SPG11: variants seen among roughly 807,000 people sequenced by gnomAD.
SPG11 encodes spatacsin.
In SPG11, 222 loss-of-function variants were observed where a neutral mutation model predicts 274.0. The ratio of observed to expected loss-of-function variants is 0.81; its 90% CI spans 0.73 to 0.91. SPG11 has a LOEUF of 0.91. SPG11 is among the 40% of genes least tolerant of loss of function. SPG11 has a pLI of 0.00. For missense variants in SPG11, 3,114 were observed against 2,872.7 expected, an observed-to-expected ratio of 1.08 and a Z score of -1.92; for synonymous variants, 1,144 against 1,039.7, an observed-to-expected ratio of 1.10 and a Z score of -1.93.
At chr15:44,615,683 G>A (rs2083576631) in intron 15 of SPG11, 117 bp from the exon 16 acceptor site, 1 of 911,444 alleles carries the variant, frequency 1.1e-6, no homozygotes, top group Non-Finnish European at 1.7e-6. Flanking sequence ...AATTAATGCT[G>A]CCAGTTCTTA....
chr15:44,628,446 C>A (rs996048155), intron 10 of SPG11, among the ~76,000 whole-genome samples: 7 of 152,174 alleles, frequency 4.6e-5, no homozygotes, highest in Non-Finnish European at 7.3e-5. Context: ...GTGGGCAGAT[C>A]TAGCATTAAG....
intron 15 of SPG11, 74 bp downstream of exon 15, chr15:44,620,116 A>G (rs760337302): frequency 1.0e-5 from 12 of 1,171,192 alleles, no homozygotes; most frequent in Admixed American, 5.1e-5. Context: ...TTCAAAGGAA[A>G]AGCTATACCA....
At chr15:44,593,039 CGTTAAA>C (rs982051341) in intron 26 of SPG11, among the ~76,000 whole-genome samples, 1 of 151,436 alleles carries the variant, frequency 6.6e-6, no homozygotes, top group African/African-American at 2.4e-5. Context: ...AAATCATGTA[CGTTAAA>C]GTTAAATATA....
chr15:44,589,463 C>T, intron 27 of SPG11, 49 bp from the exon 28 acceptor site: 3 of 1,609,374 alleles, frequency 1.9e-6, no homozygotes, highest in East Asian at 2.2e-5. Flanking sequence ...ATGAGAATAG[C>T]AAATCAAAAC....
Position 44,622,240 on chromosome 15 carries a change from C to T in SPG11, c.2424G>A (p.Met808Ile). 1 of 1,612,514 alleles carries T rather than the reference C, an allele frequency of 6.2e-7. No individual in the cohort carries two copies. The highest frequency in any genetic ancestry group is 8.5e-7 in the Non-Finnish European group (1 of 1,178,764). The change falls in exon 13 of 40, where the codon ATG (methionine) becomes ATA (isoleucine). Residue 808 changes from methionine to isoleucine, a missense_variant. Transcript: ENST00000261866. ...KLYLGHFQEN[M>I]QIQSFPRYWI... The stretch of plus-strand genomic sequence containing the variant: ...ACTACCTGGGAAATGACTGGATTTG[C>T]ATATTTTCTTGGAAATGTCCCAAAT...
Position 44,598,637 on chromosome 15 carries a change from ACT to A in SPG11, c.3884_3885del (p.Glu1295ValfsTer8). The A allele has an allele frequency of 6.2e-7, 1 of 1,614,048 alleles. No individual in the cohort carries two copies. Among genetic ancestry groups the A allele is most frequent in the Non-Finnish European group, 8.5e-7 (1 of 1,179,956 alleles). ...NEDAQYSFIR[E>X]SVAEKLSKLA... is the part of the protein sequence containing the mutation. ...CAGATAAAAGGTGCTGTACCTACAG[ACT>A]CTCTGATAAAGCTGTACTGAGCATC... On this transcript the variant is annotated frameshift_variant, in exon 22 of 40. Transcript: ENST00000261866. LOFTEE classifies it high-confidence loss of function.
intron 28 of SPG11, among the ~76,000 whole-genome samples, chr15:44,587,716 A>C (rs970003266): frequency 3.3e-5 from 5 of 151,234 alleles, no homozygotes; most frequent in South Asian, 2.1e-4. Flanking sequence ...AAAAAAAAAA[A>C]AAAACGTATT....
chr15:44,611,349 TA>T (rs1241397018), intron 17 of SPG11, among the ~76,000 whole-genome samples: 2 of 151,872 alleles, frequency 1.3e-5, no homozygotes, highest in Non-Finnish European at 2.9e-5. Flanking sequence ...GCAAAAGAAA[TA>T]ACCAATTTAT....
At chr15:44,606,120 T>C (rs201711668) in intron 19 of SPG11, 29 bp from the exon 20 acceptor site, 4 of 1,601,690 alleles carry the variant, frequency 2.5e-6, no homozygotes, top group South Asian at 2.2e-5. Flanking sequence ...TAAACAGAAT[T>C]AGAAGTTCAC....
At chr15:44,639,218 A>G (rs1409165699) in intron 7 of SPG11, among the ~76,000 whole-genome samples, 1 of 151,896 alleles carries the variant, frequency 6.6e-6, no homozygotes, top group Non-Finnish European at 1.5e-5. Context: ...AGCAGGGAAC[A>G]TAAGGGAACT....
intron 7 of SPG11, among the ~76,000 whole-genome samples, chr15:44,641,995 CA>C (rs1023500437): frequency 2.8e-5 from 4 of 144,250 alleles, no homozygotes; most frequent in African/African-American, 1.0e-4. Context: ...GGATACGATA[CA>C]GAGGTGAAAC....
At chr15:44,576,425 G>A (rs1054291132) in intron 30 of SPG11, among the ~76,000 whole-genome samples, 2 of 151,776 alleles carry the variant, frequency 1.3e-5, no homozygotes, top group African/African-American at 4.8e-5. Context: ...GAGGTGGGCG[G>A]ATCACAAGGT....
rs569827448 is a variant in SPG11, at chr15:44,575,244, A to G, written c.5867-203T>C. ...GGAAATCCCACCCTGGGATACTTCAAAGACCTCATATGCTACAAAGATCAA... is the reference window on the plus strand; with the variant it reads ...GGAAATCCCACCCTGGGATACTTCAGAGACCTCATATGCTACAAAGATCAA... On this transcript the variant is annotated intron_variant, in intron 30 of 39. Transcript: ENST00000261866. 8.9e-5 allele frequency: 53 copies of G among 597,766 alleles called. 2 individuals carry two copies. The highest frequency in any genetic ancestry group is 8.3e-4 in the South Asian group (42 of 50,526). The allele number at this position is 597,766 out of a possible 1,614,324, so 37.0% of individuals were successfully genotyped here.
intron 7 of SPG11, among the ~76,000 whole-genome samples, chr15:44,648,077 TA>T (rs2084655492): frequency 1.3e-5 from 2 of 152,284 alleles, no homozygotes; most frequent in South Asian, 4.1e-4. Flanking sequence ...TCTTCATCTG[TA>T]AAATAAAAAG....
At chr15:44,646,872 T>G (rs747056216) in intron 7 of SPG11, among the ~76,000 whole-genome samples, 14 of 152,118 alleles carry the variant, frequency 9.2e-5, no homozygotes, top group Non-Finnish European at 2.1e-4. Context: ...GCCTATCAGG[T>G]ACTATGCTTA....
At chr15:44,654,928 A>C (rs1254962867) in intron 4 of SPG11, among the ~76,000 whole-genome samples, 6 of 152,258 alleles carry the variant, frequency 3.9e-5, no homozygotes, top group Non-Finnish European at 8.8e-5. Context: ...GCCAAAGAAA[A>C]TGTAAACGAA....
At chr15:44,613,293 G>A in intron 17 of SPG11, 137 bp downstream of exon 17, 1 of 684,742 alleles carries the variant, frequency 1.5e-6, no homozygotes. Context: ...CTTACCTCAA[G>A]TGTGAGCCTA....
chr15:44,584,592 C>A, intron 29 of SPG11, 34 bp from the exon 30 acceptor site: 1 of 1,600,052 alleles, frequency 6.2e-7, no homozygotes, highest in South Asian at 1.1e-5. Flanking sequence ...TTTAGCCTTT[C>A]TTGGATAAAA....
At chr15:44,595,841 A>G (rs1407874714) in intron 25 of SPG11, among the ~76,000 whole-genome samples, 1 of 152,210 alleles carries the variant, frequency 6.6e-6, no homozygotes, top group Non-Finnish European at 1.5e-5. Flanking sequence ...TTTCTCTGTG[A>G]CTGCCAACCA....
Sources: gnomAD v4.1 joint callset for allele counts (sites outside exome capture counted in the v4.1 genomes callset) on GRCh38, gnomAD v4.1.1 for gene constraint, MANE v1.5 for transcripts, NCBI Gene and HGNC (gene_info 2026-07-23, HGNC 2026-07-21) for gene names.